Variants in MPP2 observed in about 807,000 individuals in gnomAD.
The protein encoded by MPP2 is MAGUK p55 scaffold protein 2.
Under a neutral mutation model 58.5 loss-of-function variants are expected in MPP2, and 42 were observed. The observed-to-expected ratio is 0.72, with a 90% CI of 0.56 to 0.93. The LOEUF (loss-of-function observed/expected upper bound fraction) is 0.93. MPP2 is among the 40% of genes least tolerant of loss of function. MPP2 has a pLI of 0.00. For missense variants in MPP2, 632 were observed against 760.4 expected (o/e 0.83, Z 1.99); for synonymous variants, 300 against 307.8 (o/e 0.97, Z 0.26).
At position 43,880,923 on chromosome 17, in the gene MPP2, G is replaced by A. The variant is rs2047083746; in HGVS notation, c.989-71C>T. The A allele has an allele frequency of 1.3e-6, 2 of 1,551,952 alleles. No individual in the cohort carries two copies. The highest frequency in any genetic ancestry group is 2.7e-5 in the African/African-American group (2 of 73,528). On this transcript the variant is annotated intron_variant, in intron 9 of 12. Coordinates refer to ENST00000269095, the MANE Select transcript of MPP2 (RefSeq NM_005374.5). This position sits in a 1 kb window ranked among gnomAD's most constrained non-coding sequence, Gnocchi z 5.2. ...GAGGGGCGGAGCTCTCAGGGAGGCTGAGGGCAAGAGGGCTTGGAACAGGGG... is the reference window on the plus strand; with the variant it reads ...GAGGGGCGGAGCTCTCAGGGAGGCTAAGGGCAAGAGGGCTTGGAACAGGGG...
At chr17:43,885,940 T>C (rs1320896570) in intron 3 of MPP2, among the ~76,000 whole-genome samples, 3 of 151,792 alleles carry the variant, frequency 2.0e-5, no homozygotes, top group African/African-American at 7.3e-5. Flanking sequence ...TGAAACACCA[T>C]CTCTACCAAA....
chr17:43,907,373 G>A (rs1490978117), intron 1 of MPP2, 101 bp downstream of exon 1: 10 of 985,636 alleles, frequency 1.0e-5, no homozygotes, highest in Non-Finnish European at 1.1e-5. Context: ...GGGGCCTGTG[G>A]AGTTTAAACC....
In MPP2 at chr17:43,883,341, C is replaced by T. The variant is rs2143582702; in HGVS notation, c.165G>A (p.Leu55=). The change falls in exon 4 of 13, where the codon CTG becomes CTA. Residue 55 remains leucine, a synonymous_variant. Coordinates refer to ENST00000269095, the MANE Select transcript of MPP2 (RefSeq NM_005374.5). ...VRSLAKAHER[L]EETKLEAVRD... ...TCACGGCCTCCAGCTTCGTCTCCTC[C>T]AGCCTCTCATGGGCCTGGGGGTGGA... 1 of 1,611,834 alleles carries T rather than the reference C, an allele frequency of 6.2e-7. No individual in the cohort carries two copies. Among genetic ancestry groups the T allele is most frequent in the Non-Finnish European group, 8.5e-7 (1 of 1,179,902 alleles).
rs761572315 is a variant in MPP2 at position 43,900,510 on chromosome 17, A to T, written c.32-2130T>A. 7.2e-5 allele frequency: 110 copies of T among 1,536,436 alleles called. 1 individual carries two copies. Among genetic ancestry groups the T allele is most frequent in the South Asian group, 2.4e-4 (20 of 83,872 alleles). On this transcript the variant is annotated intron_variant, in intron 2 of 12. Coordinates refer to ENST00000269095, the MANE Select transcript of MPP2 (RefSeq NM_005374.5). ...TCCGCTTCCTCAGAAGACTCCAGGG[A>T]TATACCCTCCAAGGAGACCCCGCTG...
rs758824297 is a variant in MPP2, at chr17:43,877,828, C to T, written c.1638G>A (p.Val546=). Residue 546 remains valine, a synonymous_variant, in exon 13 of 13, where the codon GTG becomes GTA. Coordinates refer to ENST00000269095, the MANE Select transcript of MPP2 (RefSeq NM_005374.5). ...AGGCTCAGTACACCCAGCTGACAGG[C>T]ACCCACTGGGGCTCTGTCCGTAGCT... is the stretch of plus-strand genomic sequence containing the variant. ...MEKLRTEPQW[V]PVSWVY The T allele has an allele frequency of 3.1e-6, 5 of 1,613,868 alleles. No individual in the cohort carries two copies. Among genetic ancestry groups the T allele is most frequent in the Non-Finnish European group, 4.2e-6 (5 of 1,179,826 alleles).
rs992935520 is a variant in MPP2 at position 43,882,940 on chromosome 17, C to T, written c.416G>A (p.Arg139His). The T allele has an allele frequency of 1.2e-6, 2 of 1,614,160 alleles. No homozygotes were observed. The highest frequency in any genetic ancestry group is 1.7e-6 in the Non-Finnish European group (2 of 1,180,030). The change falls in exon 5 of 13, where the codon CGC (arginine) becomes CAC (histidine). Residue 139 changes from arginine (R) to histidine (H), a missense_variant. By Grantham distance (29) the Arg-to-His change is conservative. Coordinates refer to ENST00000269095, the MANE Select transcript of MPP2 (RefSeq NM_005374.5). ...SNQPVPPDAV[R>H]MVGIRKTAGE... ...GGCTGTCTTGCGGATGCCCACCATGCGCACAGCATCGGGAGGTACAGGCTG... is the reference window on the plus strand; with the variant it reads ...GGCTGTCTTGCGGATGCCCACCATGTGCACAGCATCGGGAGGTACAGGCTG...
At position 43,877,894 on chromosome 17, in the gene MPP2, G is replaced by T. The variant is rs760117648; in HGVS notation, c.1572C>A (p.Asn524Lys). The change falls in exon 13 of 13, where the codon AAC becomes AAA. Residue 524 changes from asparagine (N) to lysine (K), a missense_variant. Physicochemically the swap from Asn to Lys is moderately conservative, Grantham distance 94 (BLOSUM62 0). Transcript: ENST00000269095. ...HYFDLCLVNS[N>K]LERTFRELQT... ...GGAGCTCGCGGAAGGTCCTCTCCAG[G>T]TTGCTATTGACCAGGCAGAGGTCAA... The T allele has an allele frequency of 1.9e-6, 3 of 1,614,062 alleles. No homozygotes were observed. Among genetic ancestry groups the T allele is most frequent in the African/African-American group, 2.7e-5 (2 of 75,014 alleles).
chr17:43,891,492 G>A (rs1317702889), intron 3 of MPP2, among the ~76,000 whole-genome samples: 1 of 150,906 alleles, frequency 6.6e-6, no homozygotes, highest in Non-Finnish European at 1.5e-5. Flanking sequence ...TCCAGCCTGG[G>A]CAACAAAGCA....
At chr17:43,900,024 C>T (rs1283045490) in intron 2 of MPP2, among the ~76,000 whole-genome samples, 1 of 152,168 alleles carries the variant, frequency 6.6e-6, no homozygotes, top group Non-Finnish European at 1.5e-5. Flanking sequence ...TGTCAGTGCC[C>T]CCCTCCTCCA....
intron 5 of MPP2, among the ~76,000 whole-genome samples, 165 bp from the exon 6 acceptor site, chr17:43,882,676 A>T (rs1053243067): frequency 6.4e-5 from 9 of 139,882 alleles, no homozygotes; most frequent in African/African-American, 2.2e-4. Context: ...AGCAGGTACT[A>T]ATGAGGGGAG....
intron 7 of MPP2, 31 bp downstream of exon 7, chr17:43,881,427 C>G (rs1040396874): frequency 2.5e-6 from 4 of 1,613,912 alleles, no homozygotes; most frequent in East Asian, 4.5e-5. Flanking sequence ...TGCACCATAC[C>G]TGGAGAGATG....
At chr17:43,895,668 T>A (rs2047813879) in intron 3 of MPP2, among the ~76,000 whole-genome samples, 1 of 152,134 alleles carries the variant, frequency 6.6e-6, no homozygotes, top group Non-Finnish European at 1.5e-5. Context: ...TTGTTATTAT[T>A]TATTTACTTA....
At chr17:43,885,578 T>C (rs1002353083) in intron 3 of MPP2, among the ~76,000 whole-genome samples, 1 of 152,210 alleles carries the variant, frequency 6.6e-6, no homozygotes, top group African/African-American at 2.4e-5. Context: ...CATTCCATAT[T>C]TGTGTCTCCC....
At chr17:43,904,360 C>A in intron 2 of MPP2, 70 bp downstream of exon 2, 1 of 1,491,816 alleles carries the variant, frequency 6.7e-7, no homozygotes, top group South Asian at 1.1e-5. Context: ...GTGCAAGTGC[C>A]CACCCCTAAG....
intron 3 of MPP2, among the ~76,000 whole-genome samples, chr17:43,883,658 C>T (rs1056429162): frequency 1.1e-4 from 16 of 152,178 alleles, no homozygotes; most frequent in African/African-American, 3.9e-4. Flanking sequence ...GCTCCCAGGA[C>T]CCTATATGCA....
At chr17:43,901,244 G>T in intron 2 of MPP2, 1 of 984,892 alleles carries the variant, frequency 1.0e-6, no homozygotes, top group African/African-American at 1.7e-5. Flanking sequence ...GGGGGAGGTG[G>T]CATCGCTGTG....
At chr17:43,894,249 T>C (rs1448061856) in intron 3 of MPP2, among the ~76,000 whole-genome samples, 2 of 151,454 alleles carry the variant, frequency 1.3e-5, no homozygotes, top group Admixed American at 1.3e-4. Flanking sequence ...AAACCCCATC[T>C]CTACTAAAAA....
intron 3 of MPP2, among the ~76,000 whole-genome samples, chr17:43,896,240 C>T (rs1451624283): frequency 1.3e-5 from 2 of 152,134 alleles, no homozygotes; most frequent in Non-Finnish European, 2.9e-5. Context: ...TTCTCCCCAC[C>T]CTGACGCCTG....
intron 3 of MPP2, among the ~76,000 whole-genome samples, chr17:43,891,431 C>G (rs1402021483): frequency 6.6e-6 from 1 of 151,848 alleles, no homozygotes. Context: ...AGGAGAATCG[C>G]TTGAACCTGG....
Sources: gnomAD v4.1 joint callset for allele counts (sites outside exome capture counted in the v4.1 genomes callset) on GRCh38, gnomAD v4.1.1 for gene constraint, Gnocchi (gnomAD v3.1) non-coding constraint, MANE v1.5 for transcripts, NCBI Gene and HGNC (gene_info 2026-07-23, HGNC 2026-07-21) for gene names.